The following FAM90A10 variants were observed in gnomAD, a reference collection of about 807,000 sequenced individuals.
The protein encoded by FAM90A10 is protein FAM90A10.
chr8:7,769,367 G>C, the FAM90A10 span, among the ~76,000 whole-genome samples: 1 of 105,206 alleles, frequency 9.5e-6, no homozygotes. Flanking sequence ...CTTCACCATC[G>C]TGCCCCTTGG....
the FAM90A10 span, chr8:7,770,506 A>T: frequency 5.2e-6 from 1 of 192,176 alleles, no homozygotes; most frequent in Non-Finnish European, 8.5e-6. Flanking sequence ...CTTCCAGGTC[A>T]ATTGGATTCC....
chr8:7,769,846 A>T, the FAM90A10 span: 4 of 518,772 alleles, frequency 7.7e-6, no homozygotes, highest in Admixed American at 1.0e-4. Context: ...TCCTAAGGAG[A>T]TGGTGTCTCT....
the FAM90A10 span, chr8:7,769,726 A>T: frequency 3.9e-6 from 2 of 515,360 alleles, 1 homozygote; most frequent in Non-Finnish European, 6.4e-6. Context: ...GAAACCATGG[A>T]AGCCCCGGGG....
At chr8:7,770,503 G>T in the FAM90A10 span, 3 of 191,172 alleles carry the variant, frequency 1.6e-5, 1 homozygote, top group East Asian at 9.6e-4. Context: ...ATCCTTCCAG[G>T]TCAATTGGAT....
the FAM90A10 span, among the ~76,000 whole-genome samples, chr8:7,769,367 G>A: frequency 1.5e-3 from 157 of 104,978 alleles, 8 homozygotes; most frequent in African/African-American, 5.2e-3. Flanking sequence ...CTTCACCATC[G>A]TGCCCCTTGG....
the FAM90A10 span, among the ~76,000 whole-genome samples, chr8:7,770,537 G>C: frequency 1.1e-4 from 7 of 61,164 alleles, 3 homozygotes; most frequent in Non-Finnish European, 2.1e-4. Flanking sequence ...ATCTGAACAT[G>C]CCGTATTTCC....
chr8:7,769,430 A>T, the FAM90A10 span, among the ~76,000 whole-genome samples: 1 of 110,976 alleles, frequency 9.0e-6, no homozygotes, highest in Admixed American at 1.0e-4. Flanking sequence ...TTTGCGAGGG[A>T]ACATCGTATC....
chr8:7,769,810 G>A, the FAM90A10 span: 3 of 508,604 alleles, frequency 5.9e-6, 1 homozygote, highest in Non-Finnish European at 9.8e-6. Flanking sequence ...AGTGGGAGGG[G>A]TTTTCACCAC....
chr8:7,769,456 C>G, the FAM90A10 span: 46 of 392,676 alleles, frequency 1.2e-4, 3 homozygotes, highest in African/African-American at 6.9e-4. Flanking sequence ...TCTCCCAGCA[C>G]TTAACGGCCC....
chr8:7,769,456 C>A, the FAM90A10 span: 1 of 392,754 alleles, frequency 2.5e-6, no homozygotes, highest in Non-Finnish European at 4.3e-6. Context: ...TCTCCCAGCA[C>A]TTAACGGCCC....
At chr8:7,769,662 G>A in the FAM90A10 span, 10 of 642,676 alleles carry the variant, frequency 1.6e-5, 4 homozygotes, top group African/African-American at 2.7e-5. Context: ...TGAAGTGCTG[G>A]AAGGCAGCCC....
the FAM90A10 span, chr8:7,769,154 G>C: frequency 7.9e-6 from 1 of 127,274 alleles, no homozygotes; most frequent in South Asian, 6.5e-5. Flanking sequence ...GACGGGGGGA[G>C]GCGGTGTCCC....
chr8:7,770,497 T>C, the FAM90A10 span: 2 of 188,512 alleles, frequency 1.1e-5, no homozygotes, highest in Non-Finnish European at 1.7e-5. Flanking sequence ...TCCACAATCC[T>C]TCCAGGTCAA....
the FAM90A10 span, chr8:7,769,656 G>C: frequency 1.2e-5 from 8 of 664,940 alleles, 3 homozygotes; most frequent in South Asian, 1.6e-4. Context: ...GCCCCATGAA[G>C]TGCTGGAAGG....
the FAM90A10 span, among the ~76,000 whole-genome samples, chr8:7,769,325 G>A: frequency 8.7e-5 from 8 of 92,168 alleles, 1 homozygote; most frequent in African/African-American, 1.5e-4. Flanking sequence ...CGAGTCCTGT[G>A]TAGCCACGTT....
chr8:7,771,639 G>T, the FAM90A10 span: 1 of 629,352 alleles, frequency 1.6e-6, no homozygotes, highest in Non-Finnish European at 2.7e-6. Flanking sequence ...CCCCAGATGG[G>T]CAGGAGGACA....
At chr8:7,770,326 GA>G in the FAM90A10 span, 18 of 138,430 alleles carry the variant, frequency 1.3e-4, 4 homozygotes, top group Non-Finnish European at 2.1e-4. Context: ...CTGCCGAATG[GA>G]AAAGGATCCA....
chr8:7,770,370 AC>A, the FAM90A10 span: 1 of 117,392 alleles, frequency 8.5e-6, no homozygotes, highest in Non-Finnish European at 1.4e-5. Context: ...GGTGAGTGTC[AC>A]CCCGGGCCCC....
At chr8:7,770,466 T>A in the FAM90A10 span, 5 of 167,942 alleles carry the variant, frequency 3.0e-5, no homozygotes, top group African/African-American at 3.6e-4. Context: ...CCCTCTTTCT[T>A]GCCTTCTTGG....
Sources: allele counts gnomAD v4.1 joint callset (sites outside exome capture counted in the v4.1 genomes callset), GRCh38; gene constraint gnomAD v4.1.1; transcripts MANE v1.5; gene names NCBI Gene and HGNC (gene_info 2026-07-23, HGNC 2026-07-21).